The following LDHC variants were observed in gnomAD, a reference collection of about 807,000 sequenced individuals.
LDHC encodes L-lactate dehydrogenase C chain.
LDHC carries 20 observed loss-of-function variants against 30.2 expected under a neutral mutation model. The observed-to-expected ratio is 0.66, with a 90% CI of 0.47 to 0.96. The LOEUF is 0.96. Ranked by LOEUF, LDHC falls within the 40% of genes least tolerant of loss-of-function variation. The pLI, the probability that LDHC is intolerant of heterozygous loss-of-function variation, is 0.00. For synonymous variants in LDHC, 139 were observed against 132.7 expected (o/e 1.05, Z -0.32); for missense variants, 362 against 394.9 (o/e 0.92, Z 0.71).
intron 7 of LDHC, among the ~76,000 whole-genome samples, chr11:18,449,428 TAAAAAAAAAAAAAAAA>T (rs557136321): frequency 2.1e-4 from 10 of 48,432 alleles, no homozygotes; most frequent in East Asian, 7.9e-4. Flanking sequence ...CACTGTCTCC[TAAAAAAAAAAAAAAAA>T]AAAAAAAAAA....
intron 3 of LDHC, among the ~76,000 whole-genome samples, chr11:18,425,244 A>G (rs983905803): frequency 2.6e-5 from 4 of 152,006 alleles, no homozygotes; most frequent in African/African-American, 9.7e-5. Context: ...GGGTGTGATC[A>G]TAGCTCACCA....
intron 3 of LDHC, among the ~76,000 whole-genome samples, chr11:18,427,548 CTT>C (rs953682723): frequency 1.3e-5 from 2 of 151,898 alleles, no homozygotes; most frequent in Non-Finnish European, 2.9e-5. Context: ...TTTATGGTCT[CTT>C]TGTGGTTATA....
intron 6 of LDHC, among the ~76,000 whole-genome samples, chr11:18,442,660 C>CTCT (rs1554964955): frequency 3.6e-5 from 4 of 112,626 alleles, no homozygotes; most frequent in African/African-American, 1.3e-4. Flanking sequence ...TTCTCTCTCT[C>CTCT]TTTTTTTTTT....
Position 18,451,349 on chromosome 11 carries a change from G to C in LDHC, c.*222G>C, listed in dbSNP as rs1343234587. ...TTCTAATGATACCCAATCTGTACAG[G>C]TGTAAGTTATACTTCTGAGGTATGT... On this transcript the variant is annotated 3_prime_UTR_variant, in exon 8 of 8. Coordinates refer to ENST00000541669, the MANE Select transcript of LDHC (RefSeq NM_017448.5). 1.2e-5 allele frequency: 4 copies of C among 320,540 alleles called. No homozygotes were observed. The highest frequency in any genetic ancestry group is 2.2e-5 in the Non-Finnish European group (4 of 179,392). The allele number at this position is 320,540 out of a possible 1,614,324, so 19.9% of individuals were successfully genotyped here.
intron 5 of LDHC, among the ~76,000 whole-genome samples, chr11:18,437,534 C>T (rs1442067752): frequency 1.3e-5 from 2 of 152,034 alleles, no homozygotes; most frequent in East Asian, 3.9e-4. Context: ...GGACGGATCA[C>T]GAGGTCAGGA....
At chr11:18,430,387 C>T (rs770281267) in intron 4 of LDHC, among the ~76,000 whole-genome samples, 31 of 152,076 alleles carry the variant, frequency 2.0e-4, no homozygotes, top group Admixed American at 6.6e-4. Flanking sequence ...CTGTCTCACT[C>T]GAGGTTGGAG....
Position 18,451,235 on chromosome 11 carries a change from GGAGA to G in LDHC, c.*109_*112del, listed in dbSNP as rs1848651126. The G allele has an allele frequency of 3.0e-6, 2 of 677,404 alleles. No individual in the cohort carries two copies. Among genetic ancestry groups the G allele is most frequent in the East Asian group, 6.7e-5 (2 of 30,010 alleles). The allele number at this position is 677,404 out of a possible 1,614,324, so 42.0% of individuals were successfully genotyped here. ...GATCTTTAAAAAATAAAAACAAATTGGAGACCTGTGACATAACTCTAGTCTCTCA... is the reference window on the plus strand; with the variant it reads ...GATCTTTAAAAAATAAAAACAAATTGCCTGTGACATAACTCTAGTCTCTCA... On this transcript the variant is annotated 3_prime_UTR_variant, in exon 8 of 8. Coordinates refer to ENST00000541669, the MANE Select transcript of LDHC (RefSeq NM_017448.5).
chr11:18,427,478 G>A (rs1265612744), intron 3 of LDHC, among the ~76,000 whole-genome samples: 4 of 152,170 alleles, frequency 2.6e-5, no homozygotes, highest in African/African-American at 9.7e-5. Flanking sequence ...CAGCTAGTAA[G>A]TGGCAAAGTT....
intron 3 of LDHC, among the ~76,000 whole-genome samples, chr11:18,417,120 G>GTCT (rs1427807827): frequency 6.6e-6 from 1 of 152,260 alleles, no homozygotes; most frequent in East Asian, 1.9e-4. Context: ...CTGACCTCAG[G>GTCT]TGACCCGCCT....
intron 3 of LDHC, among the ~76,000 whole-genome samples, chr11:18,424,578 G>T (rs1489874638): frequency 1.3e-5 from 2 of 152,144 alleles, no homozygotes; most frequent in African/African-American, 4.8e-5. Context: ...GTACTAAATT[G>T]TAAAATTATG....
chr11:18,450,880 T>C (rs1697690218), intron 7 of LDHC, 83 bp from the exon 8 acceptor site: 1 of 1,018,634 alleles, frequency 9.8e-7, no homozygotes, highest in African/African-American at 1.7e-5. Flanking sequence ...TAGTCTCTCC[T>C]GTATACTCTC....
At chr11:18,450,923 A>G (rs754366707) in intron 7 of LDHC, 40 bp from the exon 8 acceptor site, 7 of 1,453,074 alleles carry the variant, frequency 4.8e-6, no homozygotes, top group Admixed American at 2.2e-5. Context: ...CTGCTTTTCC[A>G]TATCAGGTTA....
rs1476077824 is a variant in LDHC, at chr11:18,434,845, G to A, written c.524G>A (p.Gly175Glu). Residue 175 changes from glycine to glutamate, a missense_variant, in exon 5 of 8, where the codon GGA becomes GAA. Transcript: ENST00000541669. ...LDSARFRYLI[G>E]EKLGVHPTSC... is the part of the protein sequence containing the mutation. The stretch of plus-strand genomic sequence containing the variant: ...TCTGCCCGTTTCCGTTACCTAATTG[G>A]AGAAAAGTTGGGTGTCCACCCCACA... 2 of 1,613,190 alleles carry A rather than the reference G, an allele frequency of 1.2e-6. No homozygotes were observed. Among genetic ancestry groups the A allele is most frequent in the Non-Finnish European group, 1.7e-6 (2 of 1,179,178 alleles).
In LDHC at chr11:18,434,797, T is replaced by C; in HGVS notation, c.476T>C (p.Ile159Thr). The C allele has an allele frequency of 6.2e-7, 1 of 1,610,862 alleles. No homozygotes were observed. Among genetic ancestry groups the C allele is most frequent in the Non-Finnish European group, 8.5e-7 (1 of 1,177,008 alleles). Reference protein sequence around the residue: ...KISGLPVTRVIGSGCNLDSAR... With the variant: ...KISGLPVTRVTGSGCNLDSAR... ...AGTGGCTTACCTGTAACTCGTGTAA[T>C]TGGAAGTGGTTGTAATCTAGACTCT... The change falls in exon 5 of 8, where the codon ATT becomes ACT. Residue 159 changes from isoleucine to threonine, a missense_variant. Physicochemically the swap from Ile to Thr is moderately conservative, Grantham distance 89. Transcript: ENST00000541669.
At chr11:18,429,097 T>G (rs2134057603) in intron 3 of LDHC, among the ~76,000 whole-genome samples, 1 of 144,696 alleles carries the variant, frequency 6.9e-6, no homozygotes, top group East Asian at 2.0e-4. Context: ...CTCAGAGTTC[T>G]AAGTCTATTC....
intron 6 of LDHC, 132 bp from the exon 7 acceptor site, chr11:18,446,078 G>C: frequency 1.4e-6 from 1 of 720,386 alleles, no homozygotes; most frequent in Non-Finnish European, 2.3e-6. Flanking sequence ...AATTCTGTAA[G>C]AAATCTATGG....
chr11:18,451,149 A>G lies in LDHC; in HGVS notation c.*22A>G, dbSNP rs776106184. 3.6e-6 allele frequency: 5 copies of G among 1,401,460 alleles called. No homozygotes were observed. The Admixed American group carries it at 8.4e-5, about 24-fold the overall frequency. The allele number at this position is 1,401,460 out of a possible 1,614,324, so 86.8% of individuals were successfully genotyped here. On this transcript the variant is annotated 3_prime_UTR_variant, in exon 8 of 8. Transcript: ENST00000541669. ...TTAAATTAAAGCCTTCTAATGTTCC[A>G]CTGTTTGGAGAACAGAAGATAGCAG... is the stretch of plus-strand genomic sequence containing the variant.
At chr11:18,443,749 T>G (rs1420871208) in intron 6 of LDHC, among the ~76,000 whole-genome samples, 3 of 152,178 alleles carry the variant, frequency 2.0e-5, no homozygotes, top group Non-Finnish European at 4.4e-5. Flanking sequence ...TGTGAGCCAC[T>G]GTACTCGGGC....
intron 3 of LDHC, among the ~76,000 whole-genome samples, chr11:18,421,020 G>A (rs1244947528): frequency 6.6e-6 from 1 of 152,042 alleles, no homozygotes; most frequent in Non-Finnish European, 1.5e-5. Context: ...AGTTAAAAAT[G>A]CACGTTGTAA....
Sources: gnomAD v4.1 joint callset for allele counts (sites outside exome capture counted in the v4.1 genomes callset) on GRCh38, gnomAD v4.1.1 for gene constraint, MANE v1.5 for transcripts, NCBI Gene and HGNC (gene_info 2026-07-23, HGNC 2026-07-21) for gene names.